The following RALGPS1 variants were observed in gnomAD, a reference collection of about 807,000 sequenced individuals.
The protein encoded by RALGPS1 is ras-specific guanine nucleotide-releasing factor RalGPS1.
A neutral mutation model predicts 78.8 loss-of-function variants in RALGPS1; 19 were observed. The observed-to-expected ratio is 0.24, with a 90% CI of 0.17 to 0.35. The LOEUF (loss-of-function observed/expected upper bound fraction) is 0.35. Among genes scored for constraint, RALGPS1 ranks in the 10% least tolerant of loss-of-function variants. RALGPS1 has a pLI of 1.00. For missense variants in RALGPS1, 454 were observed against 688.3 expected (o/e 0.66, Z 3.81); for synonymous variants, 228 against 256.3 (o/e 0.89, Z 1.06).
At chr9:127,045,532 G>A (rs2135153831) in intron 5 of RALGPS1, among the ~76,000 whole-genome samples, 1 of 152,272 alleles carries the variant, frequency 6.6e-6, no homozygotes, top group East Asian at 1.9e-4. Context: ...TAATGAAATG[G>A]ATGGCAGATG....
chr9:127,210,413 A>G lies in RALGPS1; in HGVS notation c.1248-1718A>G. 7 of 469,110 alleles carry G rather than the reference A, an allele frequency of 1.5e-5. 1 individual carries two copies. The South Asian group carries it at 1.8e-4, about 12-fold the overall frequency. The allele number at this position is 469,110 out of a possible 1,614,324, so 29.1% of individuals were successfully genotyped here. On this transcript the variant is annotated intron_variant, in intron 14 of 18. Coordinates refer to ENST00000259351, the MANE Select transcript of RALGPS1 (RefSeq NM_014636.3). ...AGGCAAGTGGGCGTGCCTGGATTTTAATCATGCTCTTGACACTGGAAAAAG... is the reference window on the plus strand; with the variant it reads ...AGGCAAGTGGGCGTGCCTGGATTTTGATCATGCTCTTGACACTGGAAAAAG...
At chr9:127,106,795 G>T (rs1156459705) in intron 8 of RALGPS1, 1 of 152,218 alleles carries the variant, frequency 6.6e-6, no homozygotes, top group African/African-American at 2.4e-5. Context: ...CCCCTCTTTG[G>T]AATTAGCAAG....
At chr9:126,940,099 T>C (rs763204150) in intron 1 of RALGPS1, among the ~76,000 whole-genome samples, 3 of 152,174 alleles carry the variant, frequency 2.0e-5, no homozygotes, top group South Asian at 2.1e-4. Context: ...GGCACTCCCA[T>C]TGAGGCTGAC....
chr9:127,171,750 C>G (rs2059577563), intron 10 of RALGPS1, among the ~76,000 whole-genome samples: 1 of 151,920 alleles, frequency 6.6e-6, no homozygotes, highest in South Asian at 2.1e-4. Flanking sequence ...CAGTGAGACT[C>G]CATCTCAAAA....
Position 127,094,878 on chromosome 9 carries a change from T to C in RALGPS1, c.610+25522T>C, listed in dbSNP as rs553087841. Reference sequence around the variant, plus strand: ...GGAATGGGTGTTATACCACTGGTCTTTTAGCCCTCCCCACCCCTGCCCATC... The same window carrying C: ...GGAATGGGTGTTATACCACTGGTCTCTTAGCCCTCCCCACCCCTGCCCATC... On this transcript the variant is annotated intron_variant, in intron 8 of 18. Transcript: ENST00000259351. 5.4e-4 allele frequency among the ~76,000 whole-genome samples: 83 copies of C among 152,316 alleles called. No individual in the cohort carries two copies. The South Asian group carries it at 0.012, about 22-fold the overall frequency.
At chr9:127,029,374 A>G (rs2046228471) in intron 4 of RALGPS1, among the ~76,000 whole-genome samples, 1 of 152,052 alleles carries the variant, frequency 6.6e-6, no homozygotes, top group Non-Finnish European at 1.5e-5. Flanking sequence ...TAGGTGTGTA[A>G]TTGTCCCACC....
At chr9:127,186,384 T>A (rs920500843) in intron 11 of RALGPS1, among the ~76,000 whole-genome samples, 7 of 152,258 alleles carry the variant, frequency 4.6e-5, no homozygotes, top group African/African-American at 1.7e-4. Flanking sequence ...CAGCAGGAAC[T>A]GCACTCTGCT....
chr9:127,055,333 C>A (rs1030529243), intron 7 of RALGPS1, among the ~76,000 whole-genome samples: 1 of 152,208 alleles, frequency 6.6e-6, no homozygotes, highest in African/African-American at 2.4e-5. Flanking sequence ...ATCCTCCCAC[C>A]TCAGCCTCCT....
intron 3 of RALGPS1, among the ~76,000 whole-genome samples, chr9:126,976,504 C>T (rs969742404): frequency 7.9e-5 from 12 of 152,196 alleles, no homozygotes; most frequent in African/African-American, 2.4e-4. Flanking sequence ...GTGCCAGGAA[C>T]GCTACCTCTT....
At chr9:126,952,331 G>C (rs1413129442) in intron 1 of RALGPS1, among the ~76,000 whole-genome samples, 1 of 152,164 alleles carries the variant, frequency 6.6e-6, no homozygotes, top group Non-Finnish European at 1.5e-5. Context: ...GAGTGGTGTA[G>C]TTTGAAAGAA....
chr9:127,055,212 A>ATCTATCTATCTG (rs1554809768), intron 7 of RALGPS1, among the ~76,000 whole-genome samples: 3 of 150,984 alleles, frequency 2.0e-5, no homozygotes, highest in African/African-American at 7.3e-5. Flanking sequence ...CTATCTATCT[A>ATCTATCTATCTG]TCTGTCTGTC....
At chr9:127,192,330 C>T (rs534286419) in intron 11 of RALGPS1, among the ~76,000 whole-genome samples, 1 of 152,342 alleles carries the variant, frequency 6.6e-6, no homozygotes, top group Admixed American at 6.5e-5. Context: ...GGCTCCCATT[C>T]CAGGCCAGGC....
chr9:127,018,647 G>GATAATAATA (rs34742580), intron 4 of RALGPS1, among the ~76,000 whole-genome samples: 3,912 of 146,998 alleles, frequency 0.027, 57 homozygotes, highest in Non-Finnish European at 0.036. Flanking sequence ...TAATAATGAT[G>GATAATAATA]ATAATAATAA....
Position 127,147,988 on chromosome 9 carries a change from C to T in RALGPS1, c.611-18081C>T, listed in dbSNP as rs1046337530. ...ACTTGCCCAAGTCCTTTAGAACTTACAGTGAAGTCTGTAACCTAACATTGC... is the reference window on the plus strand; with the variant it reads ...ACTTGCCCAAGTCCTTTAGAACTTATAGTGAAGTCTGTAACCTAACATTGC... On this transcript the variant is annotated intron_variant, in intron 8 of 18. Coordinates refer to ENST00000259351, the MANE Select transcript of RALGPS1 (RefSeq NM_014636.3). Among the ~76,000 whole-genome samples, 7 of 152,324 alleles carry T rather than the reference C, an allele frequency of 4.6e-5. No individual in the cohort carries two copies. The South Asian group carries it at 1.0e-3, about 23-fold the overall frequency.
intron 17 of RALGPS1, 64 bp downstream of exon 17, chr9:127,213,113 G>A (rs1254340915): frequency 6.1e-5 from 97 of 1,592,340 alleles, no homozygotes; most frequent in Middle Eastern, 1.7e-4. Flanking sequence ...CTTGCACAGC[G>A]TGCATTTTGA....
chr9:127,069,702 T>G (rs2050025903), intron 8 of RALGPS1: 1 of 175,318 alleles, frequency 5.7e-6, no homozygotes, highest in Non-Finnish European at 1.2e-5. Flanking sequence ...CCCTCTGTTC[T>G]GGTTCTCTGG....
chr9:127,138,468 A>G (rs995103519), intron 8 of RALGPS1, among the ~76,000 whole-genome samples: 1 of 152,232 alleles, frequency 6.6e-6, no homozygotes, highest in Non-Finnish European at 1.5e-5. Context: ...AATGGGCTTC[A>G]CTAACCACAG....
At chr9:127,153,661 A>G (rs1051894030) in intron 8 of RALGPS1, among the ~76,000 whole-genome samples, 2 of 151,868 alleles carry the variant, frequency 1.3e-5, no homozygotes, top group African/African-American at 4.8e-5. Context: ...ATGACCTGCC[A>G]CCTTCCTTCA....
chr9:127,221,928 C>G lies in RALGPS1; in HGVS notation c.*3159C>G, dbSNP rs1237579637. 6.6e-6 allele frequency: 1 copy of G among 152,132 alleles called. No homozygotes were observed. The highest frequency in any genetic ancestry group is 1.5e-5 in the Non-Finnish European group (1 of 68,030). 9.4% of individuals were successfully genotyped at this position (152,132 alleles called of 1,614,324 possible). A position where few individuals can be genotyped will look rare whatever the true frequency, so the allele number is the denominator to read the frequency against. On this transcript the variant is annotated 3_prime_UTR_variant, in exon 19 of 19. Coordinates refer to ENST00000259351, the MANE Select transcript of RALGPS1 (RefSeq NM_014636.3). ...CCCCGAGACTGCTGATGTCTGTAAC[C>G]ACTGGGGAGCACTGCCAAAAATACA... is the stretch of plus-strand genomic sequence containing the variant.
Sources: gnomAD v4.1 joint callset for allele counts (sites outside exome capture counted in the v4.1 genomes callset) on GRCh38, gnomAD v4.1.1 for gene constraint, MANE v1.5 for transcripts, NCBI Gene and HGNC (gene_info 2026-07-23, HGNC 2026-07-21) for gene names.